Variants in MYO1B observed in about 807,000 individuals in gnomAD.
MYO1B encodes unconventional myosin-Ib.
Under a neutral mutation model 159.7 loss-of-function variants are expected in MYO1B, and 72 were observed. The ratio of observed to expected loss-of-function variants is 0.45; its 90% CI spans 0.37 to 0.55. The LOEUF (loss-of-function observed/expected upper bound fraction) is 0.55, where lower values mean the gene tolerates loss of function less well. Ranked by LOEUF, MYO1B falls within the 20% of genes least tolerant of loss-of-function variation. The pLI is 0.00. For missense variants in MYO1B, 1,062 were observed against 1,364.8 expected, an observed-to-expected ratio of 0.78 and a Z score of 3.50; for synonymous variants, 468 against 473.8, an observed-to-expected ratio of 0.99 and a Z score of 0.16.
chr2:191,315,857 A>C (rs955388550), intron 3 of MYO1B, among the ~76,000 whole-genome samples: 2 of 152,268 alleles, frequency 1.3e-5, no homozygotes, highest in Non-Finnish European at 2.9e-5. Context: ...AGGTATAAGT[A>C]AGTGGCTGTC....
At chr2:191,252,554 T>C (rs1686184099) in intron 1 of MYO1B, among the ~76,000 whole-genome samples, 1 of 152,244 alleles carries the variant, frequency 6.6e-6, no homozygotes, top group Non-Finnish European at 1.5e-5. Flanking sequence ...ATATTGGTAT[T>C]TTTATTTCAA....
At chr2:191,405,416 G>T (rs1157622807) in intron 24 of MYO1B, among the ~76,000 whole-genome samples, 1 of 152,146 alleles carries the variant, frequency 6.6e-6, no homozygotes, top group Non-Finnish European at 1.5e-5. Flanking sequence ...CTCCTCCCAT[G>T]AATCTGGAAT....
intron 4 of MYO1B, among the ~76,000 whole-genome samples, chr2:191,334,336 AT>A (rs1398075005): frequency 6.6e-6 from 1 of 152,078 alleles, no homozygotes; most frequent in Non-Finnish European, 1.5e-5. Flanking sequence ...CTGGAGCCAG[AT>A]TCCATCTCCT....
At chr2:191,308,274 A>G (rs1010287190) in intron 3 of MYO1B, among the ~76,000 whole-genome samples, 3 of 152,278 alleles carry the variant, frequency 2.0e-5, no homozygotes, top group Admixed American at 6.5e-5. Context: ...GACCAGATAC[A>G]TTTGTTTTTA....
At chr2:191,418,482 ATTTTTTTTTTTT>A (rs1159016855) in intron 30 of MYO1B, among the ~76,000 whole-genome samples, 2 of 81,044 alleles carry the variant, frequency 2.5e-5, no homozygotes, top group Non-Finnish European at 4.4e-5. Context: ...TCTTTAGTGG[ATTTTTTTTTTTT>A]TTTTTTTTTT....
rs552149190 is a variant in MYO1B, at chr2:191,337,747, A to G, written c.347-3714A>G. ...TAAACAATGCTGTTACATTTTGTCT[A>G]TTTTAAATGACAATATTCTTATATT... On this transcript the variant is annotated intron_variant, in intron 4 of 30. Transcript: ENST00000392318. Among the ~76,000 whole-genome samples, 32 of 152,286 alleles carry G rather than the reference A, an allele frequency of 2.1e-4. 1 individual carries two copies. The highest frequency in any genetic ancestry group is 6.2e-4 in the South Asian group (3 of 4,828).
At chr2:191,374,513 G>A (rs1259436128) in intron 13 of MYO1B, among the ~76,000 whole-genome samples, 2 of 152,150 alleles carry the variant, frequency 1.3e-5, no homozygotes, top group Admixed American at 6.5e-5. Flanking sequence ...CTGAGCTGGT[G>A]GAAACCTTTC....
chr2:191,361,208 G>A (rs912289547), intron 8 of MYO1B, among the ~76,000 whole-genome samples: 3 of 152,088 alleles, frequency 2.0e-5, no homozygotes, highest in Admixed American at 2.0e-4. Context: ...GATTATTAGG[G>A]GAGGGACTAA....
chr2:191,326,194 T>G (rs1691052489), intron 3 of MYO1B, among the ~76,000 whole-genome samples: 1 of 152,216 alleles, frequency 6.6e-6, no homozygotes, highest in South Asian at 2.1e-4. Context: ...CACAACCGTT[T>G]TTAACTAAAG....
intron 24 of MYO1B, among the ~76,000 whole-genome samples, chr2:191,405,714 T>C (rs1696876218): frequency 6.6e-6 from 1 of 152,222 alleles, no homozygotes; most frequent in African/African-American, 2.4e-5. Context: ...TTCTGAGCAG[T>C]AGGTCTCAAT....
intron 2 of MYO1B, among the ~76,000 whole-genome samples, chr2:191,288,848 A>G (rs1292826955): frequency 6.6e-6 from 1 of 152,224 alleles, no homozygotes; most frequent in Non-Finnish European, 1.5e-5. Context: ...GTAATGGCAA[A>G]AACTGCAATT....
chr2:191,387,553 T>C (rs768210465), intron 17 of MYO1B, 103 bp downstream of exon 17: 1 of 990,514 alleles, frequency 1.0e-6, no homozygotes, highest in Non-Finnish European at 1.6e-6. Flanking sequence ...AAGCAGAGGG[T>C]AACTAAAATA....
At chr2:191,420,022 G>A (rs761025691) in intron 30 of MYO1B, among the ~76,000 whole-genome samples, 34 of 151,974 alleles carry the variant, frequency 2.2e-4, no homozygotes, top group South Asian at 1.7e-3. Flanking sequence ...GCGACATGAC[G>A]AAACCCCTTC....
intron 4 of MYO1B, among the ~76,000 whole-genome samples, chr2:191,338,155 TAA>T (rs1691978606): frequency 6.6e-6 from 1 of 151,974 alleles, no homozygotes; most frequent in Admixed American, 6.6e-5. Flanking sequence ...AAAAAAATTA[TAA>T]GAGTTGTCTC....
At chr2:191,247,307 G>C (rs1685850377) in intron 1 of MYO1B, among the ~76,000 whole-genome samples, 1 of 152,158 alleles carries the variant, frequency 6.6e-6, no homozygotes, top group Non-Finnish European at 1.5e-5. Flanking sequence ...CCACCCCTTT[G>C]GCCATTTATT....
In MYO1B at chr2:191,247,883, T is replaced by C. The variant is rs149761299; in HGVS notation, c.-10+2257T>C. On this transcript the variant is annotated intron_variant, in intron 1 of 30. Coordinates refer to ENST00000392318, the MANE Select transcript of MYO1B (RefSeq NM_001130158.3). Reference sequence around the variant, plus strand: ...GTGATAAGGCTGGCAACAGGCTGTATCCCCTTCCCAGGATGAATCATCACT... The same window carrying C: ...GTGATAAGGCTGGCAACAGGCTGTACCCCCTTCCCAGGATGAATCATCACT... 3.4e-4 allele frequency: 327 copies of C among 970,020 alleles called. 1 individual carries two copies. In the East Asian group the frequency reaches 0.011, roughly 32 times the overall value. 60.1% of individuals were successfully genotyped at this position (970,020 alleles called of 1,614,324 possible).
intron 2 of MYO1B, among the ~76,000 whole-genome samples, chr2:191,287,917 AAC>A (rs1688476356): frequency 6.7e-6 from 1 of 149,898 alleles, no homozygotes. Context: ...TTCCAGTCGT[AAC>A]TACTCAGGGG....
At chr2:191,382,519 C>G (rs1394717275) in intron 14 of MYO1B, among the ~76,000 whole-genome samples, 4 of 152,172 alleles carry the variant, frequency 2.6e-5, no homozygotes, top group African/African-American at 7.2e-5. Flanking sequence ...GTCTTCTCAT[C>G]ATGAAGAGAA....
chr2:191,346,328 A>G, intron 6 of MYO1B, 46 bp downstream of exon 6: 1 of 1,339,250 alleles, frequency 7.5e-7, no homozygotes, highest in Non-Finnish European at 1.0e-6. Context: ...TATTTAGCTC[A>G]TGTATGTTTA....
Sources: gnomAD v4.1 joint callset for allele counts (sites outside exome capture counted in the v4.1 genomes callset) on GRCh38, gnomAD v4.1.1 for gene constraint, MANE v1.5 for transcripts, NCBI Gene and HGNC (gene_info 2026-07-23, HGNC 2026-07-21) for gene names.